Variants in PLK2 observed in about 807,000 individuals in gnomAD.
PLK2 encodes the protein serine/threonine-protein kinase PLK2.
Under a neutral mutation model 78.1 loss-of-function variants are expected in PLK2, and 25 were observed. That is an observed-to-expected ratio of 0.32 (90% CI 0.23 to 0.45). The LOEUF (loss-of-function observed/expected upper bound fraction) is 0.45. Among genes scored for constraint, PLK2 ranks in the 20% least tolerant of loss-of-function variants. The pLI, the probability that PLK2 is intolerant of heterozygous loss-of-function variation, is 1.00. For synonymous variants in PLK2, 332 were observed against 298.2 expected (o/e 1.11, Z -1.17); for missense variants, 566 against 840.2 (o/e 0.67, Z 4.04).
At position 58,455,659 on chromosome 5, in the gene PLK2, T is replaced by C; in HGVS notation, c.1505A>G (p.Gln502Arg). ...IPKEQLSTSF[Q>R]WVTKWVDYSN... ...GTAATCAACCCATTTGGTGACCCAC[T>C]GAAATGATGTGCTCAGCTGCTCTTT... Residue 502 changes from glutamine to arginine, a missense_variant, in exon 11 of 14, where the codon CAG becomes CGG. By Grantham distance (43) the Gln-to-Arg change is conservative. Transcript: ENST00000274289. The C allele has an allele frequency of 6.2e-7, 1 of 1,614,136 alleles. No individual in the cohort carries two copies. The highest frequency in any genetic ancestry group is 8.5e-7 in the Non-Finnish European group (1 of 1,180,008).
rs767365440 is a variant in PLK2, at chr5:58,459,720, C to T, written c.240G>A (p.Lys80=). The T allele has an allele frequency of 8.7e-6, 14 of 1,600,764 alleles. No individual in the cohort carries two copies. The highest frequency in any genetic ancestry group is 1.2e-5 in the Non-Finnish European group (14 of 1,174,566). Residue 80 remains lysine, a synonymous_variant, in exon 1 of 14, where the codon AAG becomes AAA. Coordinates refer to ENST00000274289, the MANE Select transcript of PLK2 (RefSeq NM_006622.4). ...CCAGCACTTTGCCCCGGCAGTAGCG[C>T]TTCCCAGTCGTGGGGTCGACGATAA... is the stretch of plus-strand genomic sequence containing the variant. The part of the protein sequence containing the change: ...SRIIVDPTTG[K]RYCRGKVLGK...
intron 8 of PLK2, 134 bp downstream of exon 8, chr5:58,456,811 T>C: frequency 1.5e-6 from 1 of 652,486 alleles, no homozygotes; most frequent in Non-Finnish European, 2.6e-6. Flanking sequence ...GGATTTATTA[T>C]GCTATAAATA....
At position 58,459,786 on chromosome 5, in the gene PLK2, G is replaced by C. The variant is rs2111716664; in HGVS notation, c.174C>G (p.His58Gln). 1 of 1,608,122 alleles carries C rather than the reference G, an allele frequency of 6.2e-7. No individual in the cohort carries two copies. The highest frequency in any genetic ancestry group is 8.5e-7 in the Non-Finnish European group (1 of 1,179,802). ...QAQVPPAAPH[H>Q]HHHHSHSGPE... ...GCCCCGAGTGCGAATGGTGGTGATG[G>C]TGGTGAGGGGCCGCCGGGGGCACTT... The change falls in exon 1 of 14, where the codon CAC becomes CAG. Residue 58 changes from histidine to glutamine, a missense_variant. Coordinates refer to ENST00000274289, the MANE Select transcript of PLK2 (RefSeq NM_006622.4).
chr5:58,456,610 T>C (rs1743611851), intron 8 of PLK2, 21 bp from the exon 9 acceptor site: 1 of 1,352,968 alleles, frequency 7.4e-7, no homozygotes. Context: ...AGAAACAGAA[T>C]TACAAACATT....
chr5:58,455,793 C>T lies in PLK2; in HGVS notation c.1385-14G>A. 6.2e-7 allele frequency: 1 copy of T among 1,611,256 alleles called. No homozygotes were observed. The highest frequency in any genetic ancestry group is 2.2e-5 in the East Asian group (1 of 44,880). ...TGTCTTCAAGGCCTGAAAAGTCAGA[C>T]AGAAATGTTTCAAGTTATACAATAT... On this transcript the variant is annotated splice_polypyrimidine_tract_variant and intron_variant, in intron 10 of 13. Coordinates refer to ENST00000274289, the MANE Select transcript of PLK2 (RefSeq NM_006622.4).
In PLK2 at chr5:58,454,784, T is replaced by G; in HGVS notation, c.1867-10A>C. 1.3e-6 allele frequency: 2 copies of G among 1,586,472 alleles called. No individual in the cohort carries two copies. Among genetic ancestry groups the G allele is most frequent in the Non-Finnish European group, 1.7e-6 (2 of 1,158,714 alleles). On this transcript the variant is annotated splice_polypyrimidine_tract_variant and intron_variant, in intron 13 of 13. Coordinates refer to ENST00000274289, the MANE Select transcript of PLK2 (RefSeq NM_006622.4). ...CATGGTAGAAATTCACCTTAAAAAATAAACATAGACATTAGATCTCTCAAA... is the reference window on the plus strand; with the variant it reads ...CATGGTAGAAATTCACCTTAAAAAAGAAACATAGACATTAGATCTCTCAAA...
chr5:58,456,186 C>T, intron 9 of PLK2, 31 bp from the exon 10 acceptor site: 2 of 1,595,160 alleles, frequency 1.3e-6, no homozygotes, highest in African/African-American at 1.4e-5. Context: ...TGCAATGAGT[C>T]AAGCATCTAA....
Position 58,458,734 on chromosome 5 carries a change from G to A in PLK2, c.486C>T (p.Cys162=). 1 of 1,502,180 alleles carries A rather than the reference G, an allele frequency of 6.7e-7. No individual in the cohort carries two copies. The highest frequency in any genetic ancestry group is 9.3e-7 in the Non-Finnish European group (1 of 1,078,136). 93.1% of individuals were successfully genotyped at this position (1,502,180 alleles called of 1,614,324 possible). The change falls in exon 3 of 14, where the codon TGC becomes TGT. Residue 162 remains cysteine (C), a synonymous_variant. Transcript: ENST00000274289. The part of the protein sequence containing the change: ...KENIYILLEY[C]SRRSMAHILK... ...AGGAGTTGACACTTACCCTTCTACT[G>A]CAGTATTCCAAGAGAATGTAAATGT...
chr5:58,457,580 C>A lies in PLK2; in HGVS notation c.717G>T (p.Thr239=), dbSNP rs201461422. The A allele has an allele frequency of 1.3e-6, 2 of 1,590,200 alleles. No individual in the cohort carries two copies. Among genetic ancestry groups the A allele is most frequent in the East Asian group, 2.2e-5 (1 of 44,798 alleles). Residue 239 remains threonine (T), a synonymous_variant, in exon 6 of 14, where the codon ACG becomes ACT. Coordinates refer to ENST00000274289, the MANE Select transcript of PLK2 (RefSeq NM_006622.4). ...RLEPLEHRRR[T]ICGTPNYLSP... ...AGAGATAATTTGGGGTACCACATAT[C>A]GTTCTGGAAAGACAAAATATTGAGA... is the stretch of plus-strand genomic sequence containing the variant.
intron 4 of PLK2, 44 bp from the exon 5 acceptor site, chr5:58,458,215 G>A (rs373987894): frequency 3.7e-5 from 53 of 1,416,426 alleles, no homozygotes; most frequent in Middle Eastern, 1.8e-4. Context: ...TTGAAAATGC[G>A]TTCTAACCAA....
intron 3 of PLK2, 98 bp from the exon 4 acceptor site, chr5:58,458,626 T>G (rs757208837): frequency 7.6e-7 from 1 of 1,314,904 alleles, no homozygotes; most frequent in African/African-American, 1.5e-5. Flanking sequence ...AACTTTGCAG[T>G]GTAAGTGCTG....
At chr5:58,458,342 CAG>C (rs750559216) in intron 4 of PLK2, 55 bp downstream of exon 4, 12 of 1,568,148 alleles carry the variant, frequency 7.7e-6, no homozygotes, top group Middle Eastern at 1.7e-4. Context: ...TAAAAAAAAA[CAG>C]AGAGAGAAAA....
At position 58,455,339 on chromosome 5, in the gene PLK2, A is replaced by G; in HGVS notation, c.1701T>C (p.Ser567=). The change falls in exon 12 of 14, where the codon AGT becomes AGC. Residue 567 remains serine (S), a synonymous_variant. Transcript: ENST00000274289. The part of the protein sequence containing the change: ...PATDAPEQFI[S]QVTVLKYFSH... ...AAAAGTATTTCAGCACCGTCACTTG[A>G]CTAATAAATTGCTCAGGAGCATCTG... The G allele has an allele frequency of 6.2e-7, 1 of 1,614,058 alleles. No individual in the cohort carries two copies. Among genetic ancestry groups the G allele is most frequent in the African/African-American group, 1.3e-5 (1 of 75,042 alleles).
In PLK2 at chr5:58,460,013, G is replaced by A. The variant is rs1008222096; in HGVS notation, c.-54C>T. 4 of 1,528,616 alleles carry A rather than the reference G, an allele frequency of 2.6e-6. No individual in the cohort carries two copies. Among genetic ancestry groups the A allele is most frequent in the Non-Finnish European group, 3.5e-6 (4 of 1,139,546 alleles). The allele number at this position is 1,528,616 out of a possible 1,614,324, so 94.7% of individuals were successfully genotyped here. ...TGCCACCCCCTAGGCGCGGTCACAC[G>A]TCCGAGCCGGCCGTGGTCCTCGCAC... On this transcript the variant is annotated 5_prime_UTR_variant, in exon 1 of 14. It adds an upstream start codon to the 5' untranslated region. Coordinates refer to ENST00000274289, the MANE Select transcript of PLK2 (RefSeq NM_006622.4).
chr5:58,458,116 T>C lies in PLK2; in HGVS notation c.681A>G (p.Ala227=). ...MELKVGDFGL[A]ARLEPLEHRR... ...TGTGTTCCAAGGGTTCTAGCCTGGC[T>C]GCCAGACCGAAGTCCCCAACTTTTA... The change falls in exon 5 of 14, where the codon GCA becomes GCG. Residue 227 remains alanine, a synonymous_variant. Coordinates refer to ENST00000274289, the MANE Select transcript of PLK2 (RefSeq NM_006622.4). 1 of 1,613,654 alleles carries C rather than the reference T, an allele frequency of 6.2e-7. No homozygotes were observed.
chr5:58,457,184 CAA>C lies in PLK2; in HGVS notation c.1003_1004del (p.Leu335AlafsTer11). The C allele has an allele frequency of 6.2e-7, 1 of 1,610,928 alleles. No homozygotes were observed. Among genetic ancestry groups the C allele is most frequent in the Non-Finnish European group, 8.5e-7 (1 of 1,177,728 alleles). The part of the protein sequence containing the change: ...LDDIIRHDFF[L>X]QGFTPDRLSS... ...AAAAAAAAGATAGTGCACCAACCTGCAAAAAAAAGTCATGTCGAATGATGTCA... is the reference window on the plus strand; with the variant it reads ...AAAAAAAAGATAGTGCACCAACCTGCAAAAAAGTCATGTCGAATGATGTCA... On this transcript the variant is annotated frameshift_variant, in exon 7 of 14. Coordinates refer to ENST00000274289, the MANE Select transcript of PLK2 (RefSeq NM_006622.4). LOFTEE classifies it high-confidence loss of function.
At chr5:58,457,760 A>AT in intron 5 of PLK2, 177 bp from the exon 6 acceptor site, 1 of 596,356 alleles carries the variant, frequency 1.7e-6, no homozygotes. Context: ...ATCTGACCAA[A>AT]TGAGTTTTGG....
intron 1 of PLK2, 24 bp from the exon 2 acceptor site, chr5:58,459,116 G>A (rs774037551): frequency 4.7e-6 from 6 of 1,268,970 alleles, no homozygotes; most frequent in Non-Finnish European, 5.8e-6. Flanking sequence ...AAGCCGAGAC[G>A]GAATTGAGGA....
Position 58,460,057 on chromosome 5 carries a change from C to T in PLK2, c.-98G>A. 2 of 1,385,804 alleles carry T rather than the reference C, an allele frequency of 1.4e-6. No individual in the cohort carries two copies. Among genetic ancestry groups the T allele is most frequent in the Non-Finnish European group, 9.7e-7 (1 of 1,028,204 alleles). 85.8% of individuals were successfully genotyped at this position (1,385,804 alleles called of 1,614,324 possible). A position where few individuals can be genotyped will look rare whatever the true frequency, so the allele number is the denominator to read the frequency against. ...CTCGCACCCTTGCCTCTGGTGCCGA[C>T]TAGCACCCAACACCCCGGTCCACTT... On this transcript the variant is annotated 5_prime_UTR_variant, in exon 1 of 14. Transcript: ENST00000274289.
Sources: allele counts gnomAD v4.1 joint callset, GRCh38; gene constraint gnomAD v4.1.1; transcripts MANE v1.5; gene names NCBI Gene and HGNC (gene_info 2026-07-23, HGNC 2026-07-21).